Variants in FAM234A observed in about 807,000 individuals in gnomAD.
The protein encoded by FAM234A is protein FAM234A.
Under a neutral mutation model 49.1 loss-of-function variants are expected in FAM234A, and 42 were observed. That is an observed-to-expected ratio of 0.86 (90% CI 0.67 to 1.11). FAM234A has a LOEUF of 1.11. FAM234A is among the 50% of genes least tolerant of loss of function. The probability of loss-of-function intolerance (pLI) is 0.00; values close to 1 mark genes in which losing one functional copy is unlikely to be tolerated. For missense variants in FAM234A, 815 were observed against 745.2 expected (o/e 1.09, Z -1.09); for synonymous variants, 369 against 316.2 (o/e 1.17, Z -1.77).
At chr16:260,198 T>A in intron 5 of FAM234A, 38 bp downstream of exon 5, 1 of 1,590,824 alleles carries the variant, frequency 6.3e-7, no homozygotes, top group Non-Finnish European at 8.6e-7. Context: ...ACTGAGGGCC[T>A]CTCACCTGAG....
rs974511629 is a variant in FAM234A, at chr16:254,591, C to T, written c.178C>T (p.Leu60Phe). ...AAFFLSLFLC[L>F]FVVFVVSFVI... ...GTTTTTTCTTTCATTGTTTCTCTGCCTTTTTGTGGTGTTCGTCGTCTCATT... is the reference window on the plus strand; with the variant it reads ...GTTTTTTCTTTCATTGTTTCTCTGCTTTTTTGTGGTGTTCGTCGTCTCATT... Residue 60 changes from leucine (L) to phenylalanine (F), a missense_variant, in exon 3 of 13, where the codon CTT (leucine) becomes TTT (phenylalanine). Transcript: ENST00000399932. 3.1e-6 allele frequency: 5 copies of T among 1,613,924 alleles called. No homozygotes were observed. The highest frequency in any genetic ancestry group is 2.2e-5 in the East Asian group (1 of 44,892).
chr16:251,686 T>TTTG lies in FAM234A; in HGVS notation c.-34+2034_-34+2035insGTT, dbSNP rs1555462372. Among the ~76,000 whole-genome samples, 3 of 138,972 alleles carry TTTG rather than the reference T, an allele frequency of 2.2e-5. No homozygotes were observed. In the East Asian group the frequency reaches 6.1e-4, roughly 28 times the overall value. The allele number at this position is 138,972 out of a possible 152,430, so 91.2% of individuals were successfully genotyped here. ...GCCACCATGCCTAGCCAGGTTTTTT[T>TTTG]TTTTTTTTTTTTTTTTTTTTAAGAG... On this transcript the variant is annotated intron_variant, in intron 2 of 12. Transcript: ENST00000399932.
chr16:263,341 G>T lies in FAM234A; in HGVS notation c.1051G>T (p.Val351Leu). The T allele has an allele frequency of 6.2e-7, 1 of 1,613,014 alleles. No individual in the cohort carries two copies. The change falls in exon 9 of 13, where the codon GTG becomes TTG. Residue 351 changes from valine (V) to leucine (L), a missense_variant. Coordinates refer to ENST00000399932, the MANE Select transcript of FAM234A (RefSeq NM_032039.4). ...DVLLVGSEAF[V>L]LLDGQELTPR... is the part of the protein sequence containing the mutation. The stretch of plus-strand genomic sequence containing the variant: ...GCTTCTTGTGGGCTCAGAGGCCTTC[G>T]TGCTGCTGGACGGGCAGGAGCTGAC...
chr16:235,927 C>T (rs9935748), intron 1 of FAM234A, among the ~76,000 whole-genome samples: 7,307 of 151,534 alleles, frequency 0.048, 574 homozygotes, highest in African/African-American at 0.17. Flanking sequence ...CCGAGGCAGG[C>T]GGATCACCTG....
At chr16:261,925 T>C (rs949988561) in intron 6 of FAM234A, among the ~76,000 whole-genome samples, 168 bp from the exon 7 acceptor site, 7 of 152,142 alleles carry the variant, frequency 4.6e-5, no homozygotes, top group Non-Finnish European at 8.8e-5. Context: ...CCCCTTACCC[T>C]TCCACATCTC....
chr16:249,753 G>T (rs998822083), intron 2 of FAM234A, 99 bp downstream of exon 2: 5 of 151,982 alleles, frequency 3.3e-5, no homozygotes, highest in Non-Finnish European at 7.3e-5. Flanking sequence ...TTTCCTGCAC[G>T]CTTTCTTTGA....
intron 1 of FAM234A, among the ~76,000 whole-genome samples, chr16:237,993 C>T (rs755914605): frequency 7.1e-5 from 10 of 141,724 alleles, no homozygotes; most frequent in Non-Finnish European, 9.1e-5. Context: ...CTTGAGCCAC[C>T]GTGCCTGGCC....
Position 263,698 on chromosome 16 carries a change from A to G in FAM234A, c.1113-2A>G, listed in dbSNP as rs1370103044. ...GTGAGCGCTTCCTCCATATTGTTCC[A>G]GAAAACCCATCTTCGGCCGCTACAA... On this transcript the variant is annotated splice_acceptor_variant, in intron 9 of 12. Coordinates refer to ENST00000399932, the MANE Select transcript of FAM234A (RefSeq NM_032039.4). LOFTEE classifies it high-confidence loss of function. The G allele has an allele frequency of 1.9e-6, 3 of 1,612,964 alleles. No homozygotes were observed. Among genetic ancestry groups the G allele is most frequent in the Admixed American group, 1.7e-5 (1 of 60,002 alleles).
chr16:256,219 G>A (rs2051226606), intron 3 of FAM234A, among the ~76,000 whole-genome samples: 1 of 152,216 alleles, frequency 6.6e-6, no homozygotes. Flanking sequence ...TGGGTAGATT[G>A]CTAGGAGTGG....
chr16:251,667 A>G (rs1303916035), intron 2 of FAM234A, among the ~76,000 whole-genome samples: 1 of 129,276 alleles, frequency 7.7e-6, no homozygotes, highest in Non-Finnish European at 1.6e-5. Context: ...ATAAGCCACC[A>G]TGCCTAGCCA....
chr16:235,329 G>A (rs556538419), intron 1 of FAM234A, among the ~76,000 whole-genome samples: 12 of 152,166 alleles, frequency 7.9e-5, no homozygotes, highest in African/African-American at 2.7e-4. Flanking sequence ...CCTCTCTCGG[G>A]ACGCTGTCTG....
In FAM234A at chr16:262,210, A is replaced by T; in HGVS notation, c.826A>T (p.Ile276Phe). 1 of 1,613,944 alleles carries T rather than the reference A, an allele frequency of 6.2e-7. No homozygotes were observed. Among genetic ancestry groups the T allele is most frequent in the Non-Finnish European group, 8.5e-7 (1 of 1,180,006 alleles). The change falls in exon 7 of 13, where the codon ATC (isoleucine) becomes TTC (phenylalanine). Residue 276 changes from isoleucine (I) to phenylalanine (F), a missense_variant. By Grantham distance (21) the Ile-to-Phe change is conservative. Coordinates refer to ENST00000399932, the MANE Select transcript of FAM234A (RefSeq NM_032039.4). Reference sequence around the variant, plus strand: ...CGTCACCAGGACAGGTGCCCACTACATCCTCTTTCCCTGCGGTACGTTGTT... The same window carrying T: ...CGTCACCAGGACAGGTGCCCACTACTTCCTCTTTCCCTGCGGTACGTTGTT... Reference protein sequence around the residue: ...LHVTRTGAHYILFPCASSLCG... With the variant: ...LHVTRTGAHYFLFPCASSLCG...
At position 255,499 on chromosome 16, in the gene FAM234A, G is replaced by A. The variant is rs528490735; in HGVS notation, c.268+818G>A. On this transcript the variant is annotated intron_variant, in intron 3 of 12. Coordinates refer to ENST00000399932, the MANE Select transcript of FAM234A (RefSeq NM_032039.4). ...TGAGGTAGGAGTATCATTTACACCTGGAAGGTTGAGGCTGCAGTGAGCTGT... is the reference window on the plus strand; with the variant it reads ...TGAGGTAGGAGTATCATTTACACCTAGAAGGTTGAGGCTGCAGTGAGCTGT... Among the ~76,000 whole-genome samples, 3 of 152,226 alleles carry A rather than the reference G, an allele frequency of 2.0e-5. No individual in the cohort carries two copies. In the South Asian group the frequency reaches 6.2e-4, roughly 32 times the overall value.
chr16:263,104 C>G (rs1326660857), intron 8 of FAM234A, among the ~76,000 whole-genome samples, 158 bp from the exon 9 acceptor site: 1 of 152,164 alleles, frequency 6.6e-6, no homozygotes, highest in Non-Finnish European at 1.5e-5. Context: ...AGGCATGAGC[C>G]ACCGCGCCCA....
intron 1 of FAM234A, among the ~76,000 whole-genome samples, chr16:237,224 C>G (rs2050435899): frequency 6.6e-6 from 1 of 152,026 alleles, no homozygotes; most frequent in South Asian, 2.1e-4. Context: ...TCTTTTCAGG[C>G]TCCTTGCTTC....
intron 3 of FAM234A, 118 bp downstream of exon 3, chr16:254,799 C>G: frequency 1.9e-6 from 2 of 1,047,030 alleles, no homozygotes; most frequent in Non-Finnish European, 2.8e-6. Context: ...TGAATCAATC[C>G]CAAGAGGCTG....
chr16:263,546 A>G, intron 9 of FAM234A, 144 bp downstream of exon 9: 2 of 1,324,790 alleles, frequency 1.5e-6, no homozygotes, highest in Admixed American at 2.0e-5. Flanking sequence ...TGTCTCTGGT[A>G]CTTGCCCCTT....
Position 265,327 on chromosome 16 carries a change from CT to C in FAM234A, c.*307del, listed in dbSNP as rs1463668579. 3.4e-6 allele frequency: 4 copies of C among 1,184,834 alleles called. No individual in the cohort carries two copies. In the East Asian group the frequency reaches 1.8e-4, roughly 52 times the overall value. 73.4% of individuals were successfully genotyped at this position (1,184,834 alleles called of 1,614,324 possible). On this transcript the variant is annotated 3_prime_UTR_variant, in exon 13 of 13. Transcript: ENST00000399932. ...CCTTCATAGTGGTCTCCCTGGCCAC[CT>C]TGGGCAGAGCTGGGTCATGCAGCAC... is the stretch of plus-strand genomic sequence containing the variant.
intron 1 of FAM234A, among the ~76,000 whole-genome samples, chr16:246,374 G>GTTCAAGC (rs1445979210): frequency 7.0e-6 from 1 of 142,324 alleles, no homozygotes; most frequent in Non-Finnish European, 1.5e-5. Context: ...TGCCTCCTGG[G>GTTCAAGC]TTCAAGCAGT....
Sources: allele counts gnomAD v4.1 joint callset (sites outside exome capture counted in the v4.1 genomes callset), GRCh38; gene constraint gnomAD v4.1.1; transcripts MANE v1.5; gene names NCBI Gene and HGNC (gene_info 2026-07-23, HGNC 2026-07-21).